The following PDZRN4 variants were observed in gnomAD, a reference collection of about 807,000 sequenced individuals.
PDZRN4 encodes the protein PDZ domain-containing RING finger protein 4.
PDZRN4 carries 70 observed loss-of-function variants against 99.0 expected under a neutral mutation model. That is an observed-to-expected ratio of 0.71 (90% CI 0.58 to 0.86). The LOEUF (loss-of-function observed/expected upper bound fraction) is 0.86, where lower values mean the gene tolerates loss of function less well. Among genes scored for constraint, PDZRN4 ranks in the 40% least tolerant of loss-of-function variants. The pLI, the probability that PDZRN4 is intolerant of heterozygous loss-of-function variation, is 0.00. For synonymous variants in PDZRN4, 551 were observed against 501.6 expected (o/e 1.10, Z -1.32); for missense variants, 1,474 against 1,331.2 (o/e 1.11, Z -1.67).
intron 3 of PDZRN4, among the ~76,000 whole-genome samples, chr12:41,442,927 T>C (rs548992513): frequency 6.6e-6 from 1 of 152,292 alleles, no homozygotes; most frequent in African/African-American, 2.4e-5. Context: ...AATACCTTCC[T>C]ATGATAAACC....
At chr12:41,433,103 G>A (rs1400932419) in intron 3 of PDZRN4, among the ~76,000 whole-genome samples, 1 of 152,174 alleles carries the variant, frequency 6.6e-6, no homozygotes, top group African/African-American at 2.4e-5. Context: ...AAAAATTTCA[G>A]CATTTTAATA....
intron 3 of PDZRN4, among the ~76,000 whole-genome samples, chr12:41,424,775 A>G (rs1411679816): frequency 2.0e-5 from 3 of 152,198 alleles, no homozygotes; most frequent in South Asian, 2.1e-4. Flanking sequence ...TCAGGGATCT[A>G]TTTCCACTAT....
At chr12:41,276,346 G>T (rs967809643) in intron 3 of PDZRN4, among the ~76,000 whole-genome samples, 4 of 151,982 alleles carry the variant, frequency 2.6e-5, no homozygotes, top group African/African-American at 9.7e-5. Context: ...CTCTTCTCTG[G>T]TGTTTTAAGA....
chr12:41,389,750 C>G lies in PDZRN4; in HGVS notation c.844-116706C>G, dbSNP rs188054037. ...GGACTATGACTTGTCAATTCTTAAC[C>G]CTCCAGCTCTCCTTTGCTATTGCCC... On this transcript the variant is annotated intron_variant, in intron 3 of 9. Transcript: ENST00000402685. Among the ~76,000 whole-genome samples the G allele has an allele frequency of 7.0e-4, 106 of 152,306 alleles. 3 individuals carry two copies. Among genetic ancestry groups the G allele is most frequent in the African/African-American group, 2.0e-3 (83 of 41,564 alleles).
chr12:41,232,987 G>A (rs950364988), intron 3 of PDZRN4, among the ~76,000 whole-genome samples: 2 of 151,946 alleles, frequency 1.3e-5, no homozygotes, highest in Admixed American at 6.6e-5. Flanking sequence ...GTAGATATGC[G>A]GCATTATTTC....
intron 3 of PDZRN4, among the ~76,000 whole-genome samples, chr12:41,383,916 T>G (rs1952144780): frequency 6.7e-6 from 1 of 149,770 alleles, no homozygotes; most frequent in Non-Finnish European, 1.5e-5. Flanking sequence ...CAGTTCATCA[T>G]GATACAGGAG....
intron 3 of PDZRN4, among the ~76,000 whole-genome samples, chr12:41,306,179 A>C (rs1366181737): frequency 6.6e-6 from 1 of 152,174 alleles, no homozygotes; most frequent in Admixed American, 6.5e-5. Context: ...CATTGTCTCC[A>C]CAGCTCAGGG....
intron 3 of PDZRN4, among the ~76,000 whole-genome samples, chr12:41,233,908 G>T (rs1457947675): frequency 4.0e-5 from 6 of 151,728 alleles, no homozygotes; most frequent in Admixed American, 6.6e-5. Context: ...CCTGCATGTT[G>T]TGCACATGTA....
intron 3 of PDZRN4, among the ~76,000 whole-genome samples, chr12:41,242,136 T>C (rs1951105493): frequency 6.6e-6 from 1 of 152,174 alleles, no homozygotes; most frequent in Non-Finnish European, 1.5e-5. Flanking sequence ...GCCAGGTATG[T>C]GTTTAACTCT....
intron 3 of PDZRN4, among the ~76,000 whole-genome samples, chr12:41,254,606 T>A (rs750655190): frequency 6.6e-6 from 1 of 152,254 alleles, no homozygotes; most frequent in Non-Finnish European, 1.5e-5. Flanking sequence ...CCATTTCCTA[T>A]GTGCCAGAAA....
chr12:41,533,688 G>A (rs541395565), intron 5 of PDZRN4, among the ~76,000 whole-genome samples: 17 of 152,118 alleles, frequency 1.1e-4, no homozygotes, highest in South Asian at 6.2e-4. Context: ...TGTTTCCTAC[G>A]CATTTTTTGT....
intron 3 of PDZRN4, among the ~76,000 whole-genome samples, chr12:41,469,887 G>A (rs560352562): frequency 2.6e-5 from 4 of 152,150 alleles, no homozygotes; most frequent in African/African-American, 4.8e-5. Flanking sequence ...CAGAGATCAC[G>A]CCACTGCACT....
intron 3 of PDZRN4, among the ~76,000 whole-genome samples, chr12:41,408,783 TTCTC>T (rs1215457271): frequency 2.7e-5 from 4 of 150,484 alleles, no homozygotes; most frequent in South Asian, 2.1e-4. Context: ...TCTCTCTGTC[TTCTC>T]TCTCTCTCTC....
chr12:41,280,350 T>C (rs893291918), intron 3 of PDZRN4, among the ~76,000 whole-genome samples: 5 of 152,048 alleles, frequency 3.3e-5, no homozygotes, highest in Admixed American at 2.0e-4. Flanking sequence ...GTGCCTGGAA[T>C]GCCAGCAAGA....
In PDZRN4 at chr12:41,436,198, A is replaced by T. The variant is rs148005076; in HGVS notation, c.844-70258A>T. ...ACACACTGTTCCCAATTATGATGCCACTTTCATGTAGGTCTCTCAGCTTGG... is the reference window on the plus strand; with the variant it reads ...ACACACTGTTCCCAATTATGATGCCTCTTTCATGTAGGTCTCTCAGCTTGG... On this transcript the variant is annotated intron_variant, in intron 3 of 9. Coordinates refer to ENST00000402685, the MANE Select transcript of PDZRN4 (RefSeq NM_001164595.2). Among the ~76,000 whole-genome samples, 526 of 152,280 alleles carry T rather than the reference A, an allele frequency of 3.5e-3. 2 individuals are homozygous for T. Among genetic ancestry groups the T allele is most frequent in the African/African-American group, 0.012 (495 of 41,556 alleles).
intron 3 of PDZRN4, among the ~76,000 whole-genome samples, chr12:41,238,451 A>G (rs1365926004): frequency 1.3e-5 from 2 of 152,202 alleles, no homozygotes; most frequent in African/African-American, 2.4e-5. Flanking sequence ...ACAGAATGGG[A>G]GAAAATTTTT....
intron 3 of PDZRN4, among the ~76,000 whole-genome samples, chr12:41,278,208 G>T (rs911528118): frequency 1.7e-4 from 26 of 152,114 alleles, no homozygotes; most frequent in Non-Finnish European, 3.7e-4. Context: ...TTTTTATAAG[G>T]CCATGATTGG....
At chr12:41,191,401 A>G in intron 1 of PDZRN4, 57 bp from the exon 2 acceptor site, 1 of 849,064 alleles carries the variant, frequency 1.2e-6, no homozygotes, top group Non-Finnish European at 1.9e-6. Flanking sequence ...TTATTGTAGG[A>G]TTTATTTTTC....
At chr12:41,531,382 C>T (rs927208429) in intron 5 of PDZRN4, among the ~76,000 whole-genome samples, 3 of 152,182 alleles carry the variant, frequency 2.0e-5, no homozygotes, top group Admixed American at 6.5e-5. Context: ...ACAACGTCCT[C>T]TCCAAGTCCA....
Sources: allele counts gnomAD v4.1 joint callset (sites outside exome capture counted in the v4.1 genomes callset), GRCh38; gene constraint gnomAD v4.1.1; transcripts MANE v1.5; gene names NCBI Gene and HGNC (gene_info 2026-07-23, HGNC 2026-07-21).